Variants in AGMO observed in about 807,000 individuals in gnomAD.
The protein encoded by AGMO is glyceryl-ether monooxygenase.
In AGMO, 75 loss-of-function variants were observed where a neutral mutation model predicts 60.2. That is an observed-to-expected ratio of 1.25 (90% CI 1.03 to 1.51). AGMO has a LOEUF of 1.51. Among genes scored for constraint, AGMO ranks in the 40% most tolerant of loss-of-function variants. AGMO has a pLI of 0.00. For synonymous variants in AGMO, 261 were observed against 177.1 expected (o/e 1.47, Z -3.76); for missense variants, 763 against 525.5 (o/e 1.45, Z -4.42).
chr7:15,516,902 G>C (rs1783822030), intron 3 of AGMO, among the ~76,000 whole-genome samples: 1 of 151,990 alleles, frequency 6.6e-6, no homozygotes, highest in Non-Finnish European at 1.5e-5. Context: ...ATTAACATTT[G>C]CTTGTATAGA....
the AGMO span, among the ~76,000 whole-genome samples, chr7:15,171,346 G>A: frequency 1.3e-5 from 2 of 152,140 alleles, no homozygotes; most frequent in African/African-American, 4.8e-5. Flanking sequence ...ATTCTATCAA[G>A]GGTACATATT....
intron 3 of AGMO, among the ~76,000 whole-genome samples, chr7:15,493,003 C>G (rs941606068): frequency 2.0e-5 from 3 of 152,100 alleles, no homozygotes; most frequent in African/African-American, 7.2e-5. Flanking sequence ...ATAATCAAAG[C>G]TGCTATAAGC....
chr7:15,175,601 A>G, the AGMO span, among the ~76,000 whole-genome samples: 1 of 148,394 alleles, frequency 6.7e-6, no homozygotes, highest in Non-Finnish European at 1.5e-5. Flanking sequence ...ACATCTCTCA[A>G]TGATAATTCA....
At chr7:15,395,347 T>A (rs942823280) in intron 5 of AGMO, among the ~76,000 whole-genome samples, 8 of 152,018 alleles carry the variant, frequency 5.3e-5, no homozygotes, top group African/African-American at 1.9e-4. Flanking sequence ...TGCTTAAAAT[T>A]AAAAAAAATT....
intron 12 of AGMO, among the ~76,000 whole-genome samples, chr7:15,314,045 G>A (rs917339279): frequency 2.0e-5 from 3 of 151,950 alleles, no homozygotes; most frequent in East Asian, 1.9e-4. Flanking sequence ...GCTGCTTTCC[G>A]GTGATCCTGG....
rs374933634 is a variant in AGMO at position 15,317,075 on chromosome 7, AT to A, written c.1263+48438del. On this transcript the variant is annotated intron_variant, in intron 12 of 12. Transcript: ENST00000342526. ...AAAAATACTTCCAGTTTACAACTGT[AT>A]TTTCCCTTGATTCATCAAGTGAATC... is the stretch of plus-strand genomic sequence containing the variant. Among the ~76,000 whole-genome samples, 26 of 152,266 alleles carry A rather than the reference AT, an allele frequency of 1.7e-4. No homozygotes were observed. The East Asian group carries it at 4.8e-3, about 28-fold the overall frequency.
intron 3 of AGMO, among the ~76,000 whole-genome samples, chr7:15,452,338 T>G (rs1164122664): frequency 6.6e-6 from 1 of 152,106 alleles, no homozygotes; most frequent in Non-Finnish European, 1.5e-5. Flanking sequence ...ATAAAATATC[T>G]GATAAAGGTC....
intron 3 of AGMO, among the ~76,000 whole-genome samples, chr7:15,455,214 C>G (rs1225785014): frequency 6.6e-6 from 1 of 151,932 alleles, no homozygotes; most frequent in Non-Finnish European, 1.5e-5. Flanking sequence ...ATGTTGTGCA[C>G]TGCTGAGCTA....
intron 12 of AGMO, among the ~76,000 whole-genome samples, chr7:15,363,762 T>C (rs1384768661): frequency 2.0e-5 from 3 of 152,128 alleles, no homozygotes; most frequent in Non-Finnish European, 4.4e-5. Context: ...TTTACAACAC[T>C]GGCTAATGTA....
intron 3 of AGMO, among the ~76,000 whole-genome samples, chr7:15,508,175 T>C (rs531861468): frequency 6.6e-6 from 1 of 152,210 alleles, no homozygotes; most frequent in South Asian, 2.1e-4. Flanking sequence ...TGCAAGCAGG[T>C]AAATCTAAAT....
rs1563086296 is a variant in AGMO at position 15,322,553 on chromosome 7, TATAAATATATAAATATATATAA to T, written c.1263+42939_1263+42960del. Among the ~76,000 whole-genome samples the T allele has an allele frequency of 4.0e-4, 24 of 60,198 alleles. 1 individual carries two copies. The highest frequency in any genetic ancestry group is 1.8e-3 in the African/African-American group (22 of 11,892). 39.5% of individuals were successfully genotyped at this position (60,198 alleles called of 152,430 possible). On this transcript the variant is annotated intron_variant, in intron 12 of 12. Transcript: ENST00000342526. ...ATATATAAATATATATATAAATATA[TATAAATATATAAATATATATAA>T]ATATATATAAATATATAAATATATA...
At chr7:15,387,338 C>T in intron 9 of AGMO, 68 bp downstream of exon 9, 2 of 1,550,932 alleles carry the variant, frequency 1.3e-6, no homozygotes, top group Non-Finnish European at 1.8e-6. Context: ...AGCGTATGTA[C>T]AGGCTGGCTG....
intron 12 of AGMO, among the ~76,000 whole-genome samples, chr7:15,287,856 C>T (rs533428199): frequency 6.6e-6 from 1 of 152,064 alleles, no homozygotes; most frequent in Admixed American, 6.5e-5. Flanking sequence ...AAAGAATTTT[C>T]TCCAGAATTC....
intron 5 of AGMO, among the ~76,000 whole-genome samples, chr7:15,413,883 T>C (rs1780682619): frequency 6.6e-6 from 1 of 152,218 alleles, no homozygotes; most frequent in African/African-American, 2.4e-5. Context: ...ATGAAGACGA[T>C]TAGAAGGTAA....
intron 3 of AGMO, among the ~76,000 whole-genome samples, chr7:15,531,618 T>TA (rs1784365499): frequency 1.6e-5 from 2 of 123,680 alleles, no homozygotes; most frequent in African/African-American, 6.0e-5. Context: ...TCTATGTATA[T>TA]TCTATATATA....
chr7:15,148,032 G>A, the AGMO span, among the ~76,000 whole-genome samples: 3 of 152,024 alleles, frequency 2.0e-5, no homozygotes, highest in Admixed American at 2.0e-4. Flanking sequence ...CTTGCTCAGT[G>A]GTAAAGTGTA....
Position 15,405,568 on chromosome 7 carries a change from C to T in AGMO, c.610-11389G>A, listed in dbSNP as rs180999481. ...CCCTACCCTTGCTTCAATTCTAGTT[C>T]GGACTTTATGAACCAATTCCAGAAT... On this transcript the variant is annotated intron_variant, in intron 5 of 12. Coordinates refer to ENST00000342526, the MANE Select transcript of AGMO (RefSeq NM_001004320.2). 2.1e-3 allele frequency among the ~76,000 whole-genome samples: 323 copies of T among 151,976 alleles called. 1 individual carries two copies. Among genetic ancestry groups the T allele is most frequent in the African/African-American group, 7.1e-3 (294 of 41,514 alleles).
chr7:15,394,831 G>T (rs1323218740), intron 5 of AGMO, among the ~76,000 whole-genome samples: 3 of 152,200 alleles, frequency 2.0e-5, no homozygotes, highest in South Asian at 4.2e-4. Flanking sequence ...TAGAGGCATG[G>T]TCTACCATTA....
chr7:15,387,904 C>CTTTT lies in AGMO; in HGVS notation c.823-368_823-365dup, dbSNP rs11437914. 1.4e-3 allele frequency among the ~76,000 whole-genome samples: 198 copies of CTTTT among 137,632 alleles called. 1 individual carries two copies. Among genetic ancestry groups the CTTTT allele is most frequent in the African/African-American group, 5.2e-3 (192 of 37,098 alleles). The allele number at this position is 137,632 out of a possible 152,430, so 90.3% of individuals were successfully genotyped here. On this transcript the variant is annotated intron_variant, in intron 8 of 12. Transcript: ENST00000342526. ...ACATCCCTCCCTAATGACACATTCTCTTTTTTTTTTTTTTTTTCCCCAAGA... is the reference window on the plus strand; with the variant it reads ...ACATCCCTCCCTAATGACACATTCTCTTTTTTTTTTTTTTTTTTTTTCCCCAAGA...
Sources: allele counts gnomAD v4.1 joint callset (sites outside exome capture counted in the v4.1 genomes callset), GRCh38; gene constraint gnomAD v4.1.1; transcripts MANE v1.5; gene names NCBI Gene and HGNC (gene_info 2026-07-23, HGNC 2026-07-21).